The following ROBO1 variants were observed in gnomAD, a reference collection of about 807,000 sequenced individuals.
ROBO1 encodes roundabout homolog 1.
In ROBO1, 149 loss-of-function variants were observed where a neutral mutation model predicts 195.9. The ratio of observed to expected loss-of-function variants is 0.76; its 90% CI spans 0.67 to 0.87. ROBO1 has a LOEUF of 0.87. ROBO1 is among the 40% of genes least tolerant of loss of function. The pLI is 0.00. For synonymous variants in ROBO1, 816 were observed against 733.2 expected (o/e 1.11, Z -1.82); for missense variants, 1,933 against 2,068.3 (o/e 0.93, Z 1.27).
chr3:79,240,534 G>A (rs2108878346), intron 2 of ROBO1, among the ~76,000 whole-genome samples: 1 of 152,146 alleles, frequency 6.6e-6, no homozygotes, highest in East Asian at 1.9e-4. Context: ...AAAACTGGGG[G>A]AAAGAAATAT....
At chr3:79,275,732 C>G (rs1361998963) in intron 2 of ROBO1, among the ~76,000 whole-genome samples, 1 of 151,776 alleles carries the variant, frequency 6.6e-6, no homozygotes, top group African/African-American at 2.4e-5. Context: ...TTGGAAAAAC[C>G]TAAAGACTTC....
At chr3:78,869,373 T>C (rs932553567) in intron 4 of ROBO1, among the ~76,000 whole-genome samples, 2 of 152,206 alleles carry the variant, frequency 1.3e-5, no homozygotes, top group African/African-American at 4.8e-5. Context: ...AAACAAACGT[T>C]GATCTTTCTT....
intron 3 of ROBO1, among the ~76,000 whole-genome samples, chr3:78,968,438 A>G (rs1205619835): frequency 4.6e-5 from 7 of 151,918 alleles, no homozygotes; most frequent in Non-Finnish European, 8.8e-5. Flanking sequence ...GAAATTAGCA[A>G]GCCCAGCTAC....
intron 4 of ROBO1, among the ~76,000 whole-genome samples, chr3:78,840,930 T>C (rs898597006): frequency 4.0e-5 from 6 of 150,826 alleles, no homozygotes; most frequent in African/African-American, 7.3e-5. Flanking sequence ...GGCGTGGTGG[T>C]GGGCGCCTGT....
At chr3:79,719,402 G>T (rs1396272218) in intron 1 of ROBO1, among the ~76,000 whole-genome samples, 3 of 151,930 alleles carry the variant, frequency 2.0e-5, no homozygotes, top group African/African-American at 7.3e-5. Context: ...ATTATTCTGA[G>T]ATATTTACCC....
At chr3:78,929,479 C>CATTTATTTATTTATTTATTT (rs35081123) in intron 4 of ROBO1, among the ~76,000 whole-genome samples, 5 of 144,368 alleles carry the variant, frequency 3.5e-5, no homozygotes, top group East Asian at 2.1e-4. Flanking sequence ...TTTCCAGTAT[C>CATTTATTTATTTATTTATTT]ATTTATTTAT....
At chr3:79,681,954 A>G (rs985466002) in intron 1 of ROBO1, among the ~76,000 whole-genome samples, 12 of 152,028 alleles carry the variant, frequency 7.9e-5, no homozygotes, top group African/African-American at 2.9e-4. Context: ...TACTGCTTAT[A>G]TACATCACTT....
At chr3:79,476,937 AT>A (rs1361238061) in intron 2 of ROBO1, among the ~76,000 whole-genome samples, 1 of 152,042 alleles carries the variant, frequency 6.6e-6, no homozygotes, top group Non-Finnish European at 1.5e-5. Flanking sequence ...ATAATAAATA[AT>A]TTTTTAAGTT....
chr3:79,327,572 T>A (rs919318762), intron 2 of ROBO1, among the ~76,000 whole-genome samples: 26 of 151,880 alleles, frequency 1.7e-4, no homozygotes, highest in Non-Finnish European at 3.1e-4. Flanking sequence ...GAAGATAGAT[T>A]CCTCAAAATA....
intron 2 of ROBO1, among the ~76,000 whole-genome samples, chr3:79,311,942 C>T (rs1199383871): frequency 6.6e-6 from 1 of 152,060 alleles, no homozygotes; most frequent in African/African-American, 2.4e-5. Context: ...CATCCCAGAC[C>T]TTTTACCTTC....
chr3:78,786,735 C>T (rs2083848002), intron 4 of ROBO1, among the ~76,000 whole-genome samples: 1 of 152,150 alleles, frequency 6.6e-6, no homozygotes. Context: ...CTTTGCCCCT[C>T]CTTTGCCTTC....
intron 2 of ROBO1, among the ~76,000 whole-genome samples, chr3:79,370,288 G>A (rs570117890): frequency 4.1e-4 from 63 of 152,124 alleles, no homozygotes; most frequent in African/African-American, 1.5e-3. Flanking sequence ...AGCCTGGGAG[G>A]CGGAGGTTGC....
intron 4 of ROBO1, among the ~76,000 whole-genome samples, chr3:78,872,366 A>G (rs984186791): frequency 6.6e-6 from 1 of 152,172 alleles, no homozygotes; most frequent in African/African-American, 2.4e-5. Flanking sequence ...AGTTTGGGGG[A>G]AGGCACAATT....
intron 5 of ROBO1, among the ~76,000 whole-genome samples, chr3:78,736,282 A>G (rs9824808): frequency 0.057 from 8,723 of 152,262 alleles, 824 homozygotes; most frequent in African/African-American, 0.2. Context: ...TTTCGAACAC[A>G]TGAGCTTCGA....
intron 2 of ROBO1, among the ~76,000 whole-genome samples, chr3:79,341,676 A>G (rs1406984144): frequency 8.6e-5 from 13 of 151,952 alleles, no homozygotes; most frequent in African/African-American, 3.1e-4. Context: ...TTGTCTCATT[A>G]TGGTATTTAC....
rs199946327 is a variant in ROBO1, at chr3:78,631,224, G to A, written c.3563C>T (p.Pro1188Leu). The change falls in exon 25 of 31, where the codon CCT becomes CTT. Residue 1188 changes from proline (P) to leucine (L), a missense_variant. Pro to Leu is a moderately conservative substitution (Grantham distance 98). Coordinates refer to ENST00000464233, the MANE Select transcript of ROBO1 (RefSeq NM_002941.4). ...GGMNWADLLP[P>L]PPAHPPPHSN... ...GTGTGGAGGAGGATGTGCTGGGGGA[G>A]GAGGAAGCAGGTCTGCCCAGTTCAT... 768 of 1,613,240 alleles carry A rather than the reference G, an allele frequency of 4.8e-4. 3 individuals are homozygous for A. Among genetic ancestry groups the A allele is most frequent in the Non-Finnish European group, 9.8e-5 (116 of 1,179,630 alleles).
chr3:79,507,633 T>C (rs62257609), intron 2 of ROBO1, among the ~76,000 whole-genome samples: 10,805 of 152,244 alleles, frequency 0.071, 571 homozygotes, highest in East Asian at 0.19. Flanking sequence ...TGCAAGTCTG[T>C]GTATATCCAC....
intron 1 of ROBO1, among the ~76,000 whole-genome samples, chr3:79,628,399 C>T (rs1014397936): frequency 3.7e-4 from 57 of 152,008 alleles, no homozygotes; most frequent in Admixed American, 3.6e-3. Context: ...AACCAAACAC[C>T]GCATGTTCTC....
rs1394247494 is a variant in ROBO1 at position 79,550,168 on chromosome 3, G to GAAAGAAAGAAAGA, written c.88+39655_88+39656insTCTTTCTTTCTTT. 7.9e-4 allele frequency among the ~76,000 whole-genome samples: 77 copies of GAAAGAAAGAAAGA among 96,904 alleles called. 4 individuals carry two copies. Among genetic ancestry groups the GAAAGAAAGAAAGA allele is most frequent in the African/African-American group, 1.7e-3 (41 of 24,168 alleles). The allele number at this position is 96,904 out of a possible 152,430, so 63.6% of individuals were successfully genotyped here. Reference sequence around the variant, plus strand: ...AAAAGAAAGGAAGAAAGAAAGAAAGGAAGAAAGAAAGAAAGAAAGAAAGAA... The same window carrying GAAAGAAAGAAAGA: ...AAAAGAAAGGAAGAAAGAAAGAAAGGAAAGAAAGAAAGAAAGAAAGAAAGAAAGAAAGAAAGAA... On this transcript the variant is annotated intron_variant, in intron 2 of 30. Coordinates refer to ENST00000464233, the MANE Select transcript of ROBO1 (RefSeq NM_002941.4).
Sources: gnomAD v4.1 joint callset for allele counts (sites outside exome capture counted in the v4.1 genomes callset) on GRCh38, gnomAD v4.1.1 for gene constraint, MANE v1.5 for transcripts, NCBI Gene and HGNC (gene_info 2026-07-23, HGNC 2026-07-21) for gene names.